The following ACYP2 variants were observed in gnomAD, a reference collection of about 807,000 sequenced individuals.
ACYP2 encodes acylphosphatase 2.
Under a neutral mutation model 11.2 loss-of-function variants are expected in ACYP2, and 12 were observed. The observed-to-expected ratio is 1.08, with a 90% confidence interval of 0.69 to 1.74. The LOEUF (loss-of-function observed/expected upper bound fraction) is 1.74. Among genes scored for constraint, ACYP2 ranks in the 40% most tolerant of loss-of-function variants. The probability of loss-of-function intolerance (pLI) is 0.00; values close to 1 mark genes in which losing one functional copy is unlikely to be tolerated. For synonymous variants in ACYP2, 43 were observed against 32.2 expected (o/e 1.33, Z -1.13); for missense variants, 134 against 101.9 (o/e 1.31, Z -1.35).
intron 6 of ACYP2, among the ~76,000 whole-genome samples, chr2:54,286,789 CAAAGACAGGCCT>C (rs1255363312): frequency 6.6e-6 from 1 of 151,946 alleles, no homozygotes; most frequent in African/African-American, 2.4e-5. Flanking sequence ...TGAAAACTTT[CAAAGACAGGCCT>C]AAAACAAAAT....
intron 6 of ACYP2, among the ~76,000 whole-genome samples, chr2:54,216,426 T>G (rs753409865): frequency 1.1e-4 from 16 of 152,188 alleles, no homozygotes; most frequent in Non-Finnish European, 2.2e-4. Context: ...TGGAATTATA[T>G]TAAATATGAA....
At chr2:54,230,777 C>G (rs116399639) in intron 6 of ACYP2, among the ~76,000 whole-genome samples, 1,697 of 151,776 alleles carry the variant, frequency 0.011, 40 homozygotes, top group African/African-American at 0.037. Context: ...CTGGAAGCCC[C>G]GCTTTGAGTT....
chr2:54,282,103 AAT>A (rs1430552165), intron 6 of ACYP2, among the ~76,000 whole-genome samples: 3 of 152,234 alleles, frequency 2.0e-5, no homozygotes, highest in Non-Finnish European at 4.4e-5. Flanking sequence ...TTGGTAGTGA[AAT>A]ATATGTTAAT....
At chr2:54,077,508 G>A (rs1026778548) in intron 4 of ACYP2, among the ~76,000 whole-genome samples, 1 of 152,190 alleles carries the variant, frequency 6.6e-6, no homozygotes, top group African/African-American at 2.4e-5. Context: ...ATTGCAGCAC[G>A]GCTGCTGGAG....
At chr2:54,092,065 G>C (rs1266659704) in intron 4 of ACYP2, among the ~76,000 whole-genome samples, 2 of 152,200 alleles carry the variant, frequency 1.3e-5, no homozygotes, top group Non-Finnish European at 2.9e-5. Flanking sequence ...CAGCTATAGA[G>C]GGTGAGGGAG....
chr2:54,183,367 A>T (rs1375380920), intron 6 of ACYP2, among the ~76,000 whole-genome samples: 1 of 152,136 alleles, frequency 6.6e-6, no homozygotes, highest in African/African-American at 2.4e-5. Context: ...CATTAAGTTT[A>T]TTATAATCAA....
Position 54,115,765 on chromosome 2 carries a change from C to T in ACYP2, c.278-19688C>T, listed in dbSNP as rs1478267770. The stretch of plus-strand genomic sequence containing the variant: ...GTTCGGAAGAGTGCAGGGTAGGAGG[C>T]CCCTCTACGGTGGGAGATCAAAAAG... On this transcript the variant is annotated intron_variant, in intron 4 of 6. Coordinates refer to ENST00000607452, the MANE Select transcript of ACYP2 (RefSeq NM_001320586.2). 6.9e-6 allele frequency: 11 copies of T among 1,598,556 alleles called. No individual in the cohort carries two copies. Among genetic ancestry groups the T allele is most frequent in the Non-Finnish European group, 9.4e-6 (11 of 1,172,978 alleles).
At chr2:54,006,660 G>T (rs1329453166) in intron 2 of ACYP2, among the ~76,000 whole-genome samples, 3 of 152,000 alleles carry the variant, frequency 2.0e-5, no homozygotes, top group Non-Finnish European at 4.4e-5. Context: ...CCCAGACAGG[G>T]TCTTGCTTTG....
At chr2:54,090,894 A>ATGTATTTGGATGAT (rs1678189513) in intron 4 of ACYP2, among the ~76,000 whole-genome samples, 2 of 152,212 alleles carry the variant, frequency 1.3e-5, no homozygotes, top group South Asian at 4.1e-4. Flanking sequence ...CCTGTTTTCC[A>ATGTATTTGGATGAT]TGTATTTGGA....
chr2:54,201,621 TTTGTTTCTTTC>T lies in ACYP2; in HGVS notation c.404+62876_404+62886del, dbSNP rs1558608629. Among the ~76,000 whole-genome samples, 750 of 112,622 alleles carry T rather than the reference TTTGTTTCTTTC, an allele frequency of 6.7e-3. 59 individuals are homozygous for T. The highest frequency in any genetic ancestry group is 0.016 in the Middle Eastern group (4 of 250). 73.9% of individuals were successfully genotyped at this position (112,622 alleles called of 152,430 possible). Reference sequence around the variant, plus strand: ...CTTTCTTTCTTTCTTTCTTTCTTTCTTTGTTTCTTTCTTTCTCTTTCTTTCTTTCTTTCTTT... The same window carrying T: ...CTTTCTTTCTTTCTTTCTTTCTTTCTTTTCTCTTTCTTTCTTTCTTTCTTT... On this transcript the variant is annotated intron_variant, in intron 6 of 6. Coordinates refer to ENST00000607452, the MANE Select transcript of ACYP2 (RefSeq NM_001320586.2).
intron 6 of ACYP2, among the ~76,000 whole-genome samples, chr2:54,198,519 T>C (rs565715944): frequency 1.3e-5 from 2 of 151,602 alleles, no homozygotes; most frequent in Admixed American, 1.3e-4. Context: ...CTATTAAAGG[T>C]ACTAAACTAT....
intron 6 of ACYP2, among the ~76,000 whole-genome samples, chr2:54,160,783 G>C (rs1173475339): frequency 6.6e-6 from 1 of 152,214 alleles, no homozygotes; most frequent in African/African-American, 2.4e-5. Context: ...TCGTTGAAAA[G>C]TTTCAGGCCA....
chr2:54,222,910 A>C (rs1478712430), intron 6 of ACYP2: 1 of 152,188 alleles, frequency 6.6e-6, no homozygotes, highest in Non-Finnish European at 1.5e-5. Flanking sequence ...GCAAAACACG[A>C]GATCTCCACC....
chr2:53,997,440 G>A (rs1672623984), intron 2 of ACYP2, among the ~76,000 whole-genome samples: 1 of 151,984 alleles, frequency 6.6e-6, no homozygotes, highest in Non-Finnish European at 1.5e-5. Flanking sequence ...TGAGTAGCTG[G>A]GACTATAGGC....
At chr2:54,237,006 C>A (rs1476333249) in intron 6 of ACYP2, among the ~76,000 whole-genome samples, 1 of 152,152 alleles carries the variant, frequency 6.6e-6, no homozygotes, top group East Asian at 1.9e-4. Flanking sequence ...TGAACACATA[C>A]AGACTTTTTG....
At chr2:54,123,128 A>C in intron 4 of ACYP2, 1 of 376,342 alleles carries the variant, frequency 2.7e-6, no homozygotes, top group Non-Finnish European at 4.7e-6. Context: ...CCAGTAGATG[A>C]GTCACTGCAT....
rs1380918570 is a variant in ACYP2 at position 54,210,931 on chromosome 2, T to G, written c.404+72183T>G. On this transcript the variant is annotated intron_variant, in intron 6 of 6. Transcript: ENST00000607452. Reference sequence around the variant, plus strand: ...TTTTTTGCATACTTATGACCATACTTATTTCCAATAAATTGATATGAGTTG... The same window carrying G: ...TTTTTTGCATACTTATGACCATACTGATTTCCAATAAATTGATATGAGTTG... Among the ~76,000 whole-genome samples, 4 of 152,356 alleles carry G rather than the reference T, an allele frequency of 2.6e-5. No homozygotes were observed. The South Asian group carries it at 8.3e-4, about 32-fold the overall frequency.
chr2:54,183,679 TATTAA>T (rs1415837684), intron 6 of ACYP2, among the ~76,000 whole-genome samples: 1 of 152,222 alleles, frequency 6.6e-6, no homozygotes, highest in Non-Finnish European at 1.5e-5. Context: ...AAATGTGAAA[TATTAA>T]ATTATATTTT....
intron 6 of ACYP2, among the ~76,000 whole-genome samples, chr2:54,281,845 A>G (rs545170239): frequency 2.6e-5 from 4 of 152,322 alleles, no homozygotes; most frequent in African/African-American, 9.6e-5. Context: ...CACAAATTCA[A>G]TTTGTTTGAA....
Sources: gnomAD v4.1 joint callset for allele counts (sites outside exome capture counted in the v4.1 genomes callset) on GRCh38, gnomAD v4.1.1 for gene constraint, MANE v1.5 for transcripts, NCBI Gene and HGNC (gene_info 2026-07-23, HGNC 2026-07-21) for gene names.